Variants in COMMD10 observed in about 807,000 individuals in gnomAD.
COMMD10 encodes the protein COMM domain-containing protein 10.
In COMMD10, 33 loss-of-function variants were observed where a neutral mutation model predicts 28.9. The observed-to-expected ratio is 1.14, with a 90% CI of 0.87 to 1.53. The LOEUF (loss-of-function observed/expected upper bound fraction) is 1.53. COMMD10 is among the 40% of genes most tolerant of loss of function. COMMD10 has a pLI of 0.00. For missense variants in COMMD10, 310 were observed against 233.4 expected (o/e 1.33, Z -2.14); for synonymous variants, 110 against 81.7 (o/e 1.35, Z -1.87).
intron 4 of COMMD10, among the ~76,000 whole-genome samples, chr5:116,093,191 G>T (rs1750355336): frequency 6.6e-6 from 1 of 152,178 alleles, no homozygotes; most frequent in Non-Finnish European, 1.5e-5. Context: ...TCGGCTAGTG[G>T]TGTGGTACAT....
At chr5:116,175,219 C>G (rs1160405755) in intron 5 of COMMD10, among the ~76,000 whole-genome samples, 1 of 151,430 alleles carries the variant, frequency 6.6e-6, no homozygotes, top group East Asian at 1.9e-4. Flanking sequence ...ATTTTTGTGT[C>G]TGTATCACCT....
chr5:116,160,136 C>T (rs1024618426), intron 5 of COMMD10, among the ~76,000 whole-genome samples: 6 of 152,110 alleles, frequency 3.9e-5, no homozygotes, highest in Admixed American at 1.3e-4. Flanking sequence ...GCCTCCTTTA[C>T]TAGACCCTTG....
intron 4 of COMMD10, among the ~76,000 whole-genome samples, chr5:116,103,299 A>G (rs180709064): frequency 6.6e-6 from 1 of 152,294 alleles, no homozygotes; most frequent in Admixed American, 6.5e-5. Flanking sequence ...GTATAAAAGC[A>G]TTCCTATTTC....
At chr5:116,171,110 T>C (rs528387092) in intron 5 of COMMD10, among the ~76,000 whole-genome samples, 2 of 150,746 alleles carry the variant, frequency 1.3e-5, no homozygotes, top group Non-Finnish European at 2.9e-5. Flanking sequence ...ATATCCAGAA[T>C]CTACAAATAA....
At chr5:116,087,970 G>C (rs577271515) in intron 2 of COMMD10, among the ~76,000 whole-genome samples, 1 of 152,012 alleles carries the variant, frequency 6.6e-6, no homozygotes, top group Non-Finnish European at 1.5e-5. Context: ...TTATTTTTCC[G>C]CTTAAAAATA....
At chr5:116,242,579 GA>G (rs954723416) in intron 5 of COMMD10, among the ~76,000 whole-genome samples, 1 of 152,114 alleles carries the variant, frequency 6.6e-6, no homozygotes, top group African/African-American at 2.4e-5. Flanking sequence ...GTATTATTTT[GA>G]AAAGCAGCCA....
chr5:116,216,793 C>G (rs771347964), intron 5 of COMMD10, among the ~76,000 whole-genome samples: 2 of 152,144 alleles, frequency 1.3e-5, no homozygotes, highest in Non-Finnish European at 2.9e-5. Context: ...CTTAGGCTCC[C>G]AAAGTGCTGG....
chr5:116,097,255 A>G (rs1467632468), intron 4 of COMMD10, among the ~76,000 whole-genome samples: 1 of 152,204 alleles, frequency 6.6e-6, no homozygotes, highest in African/African-American at 2.4e-5. Context: ...GGTATATCAT[A>G]GGATTGCTAA....
At chr5:116,153,447 C>A (rs1028188805) in intron 5 of COMMD10, among the ~76,000 whole-genome samples, 2 of 152,040 alleles carry the variant, frequency 1.3e-5, no homozygotes, top group African/African-American at 4.8e-5. Context: ...TGGGGCTGAT[C>A]TAAGCTGAGG....
intron 5 of COMMD10, chr5:116,218,410 A>G (rs1401347511): frequency 3.1e-5 from 14 of 451,446 alleles, no homozygotes; most frequent in Non-Finnish European, 4.9e-5. Context: ...CTCCAAATCA[A>G]CCACTCTTAA....
At chr5:116,085,790 T>A (rs1286921800) in intron 1 of COMMD10, among the ~76,000 whole-genome samples, 2 of 152,226 alleles carry the variant, frequency 1.3e-5, no homozygotes, top group East Asian at 3.8e-4. Flanking sequence ...GAAAAAGTAC[T>A]GAAGTATATA....
At chr5:116,165,088 ATATCCT>A in intron 5 of COMMD10, among the ~76,000 whole-genome samples, 1 of 152,216 alleles carries the variant, frequency 6.6e-6, no homozygotes, top group African/African-American at 2.4e-5. Flanking sequence ...AGTTTCTGAC[ATATCCT>A]TATGCTGTTG....
At chr5:116,201,587 G>C (rs1748668915) in intron 5 of COMMD10, among the ~76,000 whole-genome samples, 1 of 152,056 alleles carries the variant, frequency 6.6e-6, no homozygotes, top group South Asian at 2.1e-4. Flanking sequence ...TTCTCTTATG[G>C]ATCCGAGAAG....
intron 5 of COMMD10, among the ~76,000 whole-genome samples, chr5:116,153,942 C>G (rs1024641503): frequency 4.6e-5 from 7 of 151,906 alleles, no homozygotes; most frequent in African/African-American, 1.5e-4. Context: ...ACTTAGAATA[C>G]TAGAGAATTA....
At chr5:116,186,715 TA>T (rs1748149390) in intron 5 of COMMD10, among the ~76,000 whole-genome samples, 1 of 152,146 alleles carries the variant, frequency 6.6e-6, no homozygotes, top group Non-Finnish European at 1.5e-5. Flanking sequence ...GCTCAAGAAA[TA>T]TTTGTTGAAG....
At chr5:116,093,315 C>A (rs965743227) in intron 4 of COMMD10, among the ~76,000 whole-genome samples, 1 of 152,130 alleles carries the variant, frequency 6.6e-6, no homozygotes, top group African/African-American at 2.4e-5. Context: ...AATAAAACAT[C>A]TAAAAGAGAA....
At chr5:116,160,972 T>C (rs1752896507) in intron 5 of COMMD10, among the ~76,000 whole-genome samples, 1 of 152,188 alleles carries the variant, frequency 6.6e-6, no homozygotes, top group Admixed American at 6.5e-5. Flanking sequence ...AGGTATTTTT[T>C]TCATGTTAAT....
intron 2 of COMMD10, among the ~76,000 whole-genome samples, chr5:116,089,217 A>T (rs959483551): frequency 1.3e-5 from 2 of 152,176 alleles, no homozygotes; most frequent in Admixed American, 1.3e-4. Flanking sequence ...CAACTTGAAA[A>T]CATAGGTACT....
At chr5:116,149,632 G>C (rs774872208) in intron 5 of COMMD10, among the ~76,000 whole-genome samples, 37 of 151,432 alleles carry the variant, frequency 2.4e-4, no homozygotes, top group African/African-American at 3.6e-4. Flanking sequence ...TTTCATGTGT[G>C]TTTTGGCTGC....
Sources: allele counts gnomAD v4.1 joint callset (sites outside exome capture counted in the v4.1 genomes callset), GRCh38; gene constraint gnomAD v4.1.1; transcripts MANE v1.5; gene names NCBI Gene and HGNC (gene_info 2026-07-23, HGNC 2026-07-21).